Variants in MCC observed in about 807,000 individuals in gnomAD.
The protein encoded by MCC is MCC regulator of Wnt signaling pathway.
Under a neutral mutation model 116.2 loss-of-function variants are expected in MCC, and 90 were observed. The ratio of observed to expected loss-of-function variants is 0.77; its 90% CI spans 0.65 to 0.92. MCC has a LOEUF of 0.92. Among genes scored for constraint, MCC ranks in the 40% least tolerant of loss-of-function variants. MCC has a pLI of 0.00. For missense variants in MCC, 1,516 were observed against 1,312.2 expected, an observed-to-expected ratio of 1.16 and a Z score of -2.40; for synonymous variants, 578 against 510.5, an observed-to-expected ratio of 1.13 and a Z score of -1.78.
intron 3 of MCC, among the ~76,000 whole-genome samples, chr5:113,253,760 A>C (rs1485598209): frequency 6.6e-6 from 1 of 152,198 alleles, no homozygotes; most frequent in Non-Finnish European, 1.5e-5. Flanking sequence ...GCAGAAGAGA[A>C]TTTTAGGGGG....
chr5:113,245,519 T>C (rs965365829), intron 3 of MCC, among the ~76,000 whole-genome samples: 1 of 152,056 alleles, frequency 6.6e-6, no homozygotes, highest in African/African-American at 2.4e-5. Context: ...CCAAGCCTTA[T>C]GTCCTTGAAG....
intron 3 of MCC, among the ~76,000 whole-genome samples, chr5:113,166,375 C>A (rs1760766506): frequency 6.6e-6 from 1 of 152,140 alleles, no homozygotes; most frequent in Non-Finnish European, 1.5e-5. Flanking sequence ...TTACACTGAC[C>A]ATCATTAGGC....
intron 3 of MCC, among the ~76,000 whole-genome samples, chr5:113,322,586 T>G (rs542670340): frequency 5.9e-5 from 9 of 152,238 alleles, no homozygotes; most frequent in Non-Finnish European, 1.2e-4. Flanking sequence ...TAAACTTTCT[T>G]GGGTAAAGTC....
intron 6 of MCC, among the ~76,000 whole-genome samples, chr5:113,109,780 T>C (rs1164083794): frequency 1.3e-5 from 2 of 152,124 alleles, no homozygotes; most frequent in East Asian, 1.9e-4. Context: ...AGTATTGTAA[T>C]TTAATTAAAA....
At chr5:113,172,612 G>A (rs1450808966) in intron 3 of MCC, among the ~76,000 whole-genome samples, 1 of 152,148 alleles carries the variant, frequency 6.6e-6, no homozygotes, top group Non-Finnish European at 1.5e-5. Context: ...TCCACCCATG[G>A]CCATCTGTCC....
intron 8 of MCC, among the ~76,000 whole-genome samples, chr5:113,099,058 G>T (rs1327968497): frequency 1.3e-5 from 2 of 151,934 alleles, no homozygotes; most frequent in East Asian, 1.9e-4. Flanking sequence ...ACGGCTGGAA[G>T]AAGACTTTTG....
At chr5:113,292,937 A>G (rs1766564983) in intron 3 of MCC, among the ~76,000 whole-genome samples, 1 of 152,152 alleles carries the variant, frequency 6.6e-6, no homozygotes, top group Non-Finnish European at 1.5e-5. Flanking sequence ...AAAATTGGCA[A>G]AAGTCACTTA....
intron 3 of MCC, among the ~76,000 whole-genome samples, chr5:113,258,539 G>A (rs1319419396): frequency 1.3e-5 from 2 of 152,244 alleles, no homozygotes; most frequent in African/African-American, 4.8e-5. Context: ...AGGAATCTAG[G>A]TTGCATGCTC....
chr5:113,311,902 T>TA (rs1456493702), intron 3 of MCC, among the ~76,000 whole-genome samples: 1 of 152,054 alleles, frequency 6.6e-6, no homozygotes, highest in African/African-American at 2.4e-5. Flanking sequence ...GGTCAGGAGT[T>TA]AGAGAACAGC....
chr5:113,032,090 G>A (rs1750992745), intron 17 of MCC, among the ~76,000 whole-genome samples: 1 of 152,160 alleles, frequency 6.6e-6, no homozygotes, highest in Admixed American at 6.5e-5. Flanking sequence ...ACAAAAAAAT[G>A]TAAAATATCT....
At chr5:113,386,212 T>G (rs549389818) in intron 1 of MCC, among the ~76,000 whole-genome samples, 1 of 152,328 alleles carries the variant, frequency 6.6e-6, no homozygotes, top group Non-Finnish European at 1.5e-5. Flanking sequence ...CAAACAAAGC[T>G]AATTAGTGTG....
Position 113,122,775 on chromosome 5 carries a change from G to A in MCC, c.936C>T (p.His312=), listed in dbSNP as rs375095185. ...TGCTTCGAGAGTCCTCGTTGACCTC[G>A]TGTTGGCTCTGGCTGAGTTCTGATC... ...ELRSELSQSQ[H]EVNEDSRSMD... The change falls in exon 6 of 19, where the codon CAC becomes CAT. Residue 312 remains histidine (H), a synonymous_variant. Transcript: ENST00000408903. 66 of 1,614,206 alleles carry A rather than the reference G, an allele frequency of 4.1e-5. No homozygotes were observed. The East Asian group carries it at 1.1e-3, about 27-fold the overall frequency.
intron 10 of MCC, among the ~76,000 whole-genome samples, chr5:113,083,596 T>A (rs1383207927): frequency 6.6e-6 from 1 of 152,188 alleles, no homozygotes; most frequent in African/African-American, 2.4e-5. Flanking sequence ...TCACCATCCA[T>A]CAGCTCTTAC....
In MCC at chr5:113,024,663, A is replaced by G. The variant is rs1750403383; in HGVS notation, c.*2639T>C. 1 of 152,138 alleles carries G rather than the reference A, an allele frequency of 6.6e-6. No homozygotes were observed. The allele number at this position is 152,138 out of a possible 1,614,324, so 9.4% of individuals were successfully genotyped here. On this transcript the variant is annotated 3_prime_UTR_variant, in exon 19 of 19. Transcript: ENST00000408903. ...CAAGATCATTGTTTACCCTCATTGGAGATGTTTGTTAGAGAAAAATTCAGG... is the reference window on the plus strand; with the variant it reads ...CAAGATCATTGTTTACCCTCATTGGGGATGTTTGTTAGAGAAAAATTCAGG...
chr5:113,174,020 T>C (rs1761201765), intron 3 of MCC, among the ~76,000 whole-genome samples: 1 of 152,124 alleles, frequency 6.6e-6, no homozygotes, highest in African/African-American at 2.4e-5. Context: ...TAGATTAAGA[T>C]GAACCAAAAT....
intron 3 of MCC, among the ~76,000 whole-genome samples, chr5:113,229,658 C>T (rs1763870150): frequency 6.6e-6 from 1 of 152,210 alleles, no homozygotes; most frequent in Admixed American, 6.5e-5. Flanking sequence ...TAGTCAAAGA[C>T]AGGCCACATA....
At chr5:113,070,230 T>C (rs902368078) in intron 12 of MCC, among the ~76,000 whole-genome samples, 1 of 152,220 alleles carries the variant, frequency 6.6e-6, no homozygotes, top group African/African-American at 2.4e-5. Context: ...CCGAACTTTT[T>C]AGAGGATGCT....
At chr5:113,466,231 G>A (rs919225182) in intron 1 of MCC, among the ~76,000 whole-genome samples, 50 of 151,100 alleles carry the variant, frequency 3.3e-4, no homozygotes, top group South Asian at 1.5e-3. Flanking sequence ...TGTGCACAAC[G>A]TGCAGGTTTG....
chr5:113,369,166 C>G (rs1561540733), intron 2 of MCC, among the ~76,000 whole-genome samples: 1 of 151,934 alleles, frequency 6.6e-6, no homozygotes, highest in Non-Finnish European at 1.5e-5. Flanking sequence ...TTATCACTGA[C>G]CATTGGTGAT....
Sources: allele counts gnomAD v4.1 joint callset (sites outside exome capture counted in the v4.1 genomes callset), GRCh38; gene constraint gnomAD v4.1.1; transcripts MANE v1.5; gene names NCBI Gene and HGNC (gene_info 2026-07-23, HGNC 2026-07-21).